Variants in MDN1 observed in about 807,000 individuals in gnomAD.
The protein encoded by MDN1 is midasin.
Under a neutral mutation model 669.2 loss-of-function variants are expected in MDN1, and 266 were observed. The observed-to-expected ratio is 0.40, with a 90% CI of 0.36 to 0.44. The LOEUF is 0.44. Ranked by LOEUF, MDN1 falls within the 20% of genes least tolerant of loss-of-function variation. MDN1 has a pLI of 1.00. For missense variants in MDN1, 5,940 were observed against 6,754.0 expected (o/e 0.88, Z 4.22); for synonymous variants, 2,385 against 2,457.1 (o/e 0.97, Z 0.87).
chr6:89,701,070 T>C (rs1813124536), intron 55 of MDN1, among the ~76,000 whole-genome samples: 1 of 152,252 alleles, frequency 6.6e-6, no homozygotes, highest in Non-Finnish European at 1.5e-5. Context: ...AGTAAGATGA[T>C]AATATGTAGC....
At chr6:89,816,956 G>A (rs980826402) in intron 1 of MDN1, among the ~76,000 whole-genome samples, 3 of 151,044 alleles carry the variant, frequency 2.0e-5, no homozygotes, top group Admixed American at 6.6e-5. Flanking sequence ...TTACAGGCGC[G>A]TGCCACTGTG....
intron 12 of MDN1, among the ~76,000 whole-genome samples, chr6:89,775,825 A>G (rs920961190): frequency 6.6e-5 from 10 of 152,080 alleles, no homozygotes; most frequent in African/African-American, 2.4e-4. Flanking sequence ...AGCTGGGATT[A>G]CAGGCATGTG....
chr6:89,758,733 C>T, intron 18 of MDN1, 83 bp downstream of exon 18: 1 of 1,468,730 alleles, frequency 6.8e-7, no homozygotes. Flanking sequence ...TGTCATCCTT[C>T]TAACAACAAC....
chr6:89,727,781 T>C, intron 37 of MDN1, 52 bp downstream of exon 37: 4 of 1,613,026 alleles, frequency 2.5e-6, no homozygotes, highest in South Asian at 1.1e-5. Flanking sequence ...AAAGGATGAC[T>C]GCTCCTCACA....
intron 27 of MDN1, among the ~76,000 whole-genome samples, chr6:89,746,684 T>C (rs1377813038): frequency 1.3e-5 from 2 of 149,246 alleles, no homozygotes; most frequent in African/African-American, 5.0e-5. Context: ...TCTATGTAAA[T>C]ATTCTTTACA....
At chr6:89,732,513 C>T in intron 34 of MDN1, 44 bp downstream of exon 34, 1 of 1,568,520 alleles carries the variant, frequency 6.4e-7, no homozygotes, top group Middle Eastern at 1.7e-4. Flanking sequence ...TCCTATGCCC[C>T]TCTATACGAG....
chr6:89,755,477 A>G (rs1362267581), intron 20 of MDN1, among the ~76,000 whole-genome samples: 1 of 151,986 alleles, frequency 6.6e-6, no homozygotes, highest in East Asian at 1.9e-4. Flanking sequence ...AAATTACAGT[A>G]CCTGACTCCT....
At chr6:89,713,981 G>C (rs1415606456) in intron 46 of MDN1, among the ~76,000 whole-genome samples, 1 of 151,412 alleles carries the variant, frequency 6.6e-6, no homozygotes, top group Non-Finnish European at 1.5e-5. Context: ...GGAGCTTGCA[G>C]TGAGCCAAGA....
chr6:89,712,813 G>A, intron 47 of MDN1, 27 bp from the exon 48 acceptor site: 2 of 1,596,596 alleles, frequency 1.3e-6, no homozygotes, highest in Non-Finnish European at 1.7e-6. Context: ...ACACAATACA[G>A]TGGTACCAAC....
chr6:89,734,690 C>G (rs76651040), intron 33 of MDN1, among the ~76,000 whole-genome samples: 2,668 of 112,774 alleles, frequency 0.024, 241 homozygotes, highest in African/African-American at 0.064. Flanking sequence ...AAAAAAAAAA[C>G]AAGAGAGAGA....
At chr6:89,792,636 T>C (rs1819339691) in intron 5 of MDN1, among the ~76,000 whole-genome samples, 1 of 151,990 alleles carries the variant, frequency 6.6e-6, no homozygotes, top group Non-Finnish European at 1.5e-5. Context: ...ACTACACTTA[T>C]GACAATGTGC....
intron 63 of MDN1, among the ~76,000 whole-genome samples, chr6:89,691,217 G>A (rs1317854875): frequency 6.6e-6 from 1 of 152,170 alleles, no homozygotes; most frequent in Non-Finnish European, 1.5e-5. Context: ...CTGGCCAAGG[G>A]GTTCAGAAAA....
In MDN1 at chr6:89,650,110, G is replaced by A. The variant is rs1262932324; in HGVS notation, c.16120C>T (p.Arg5374Ter). The change falls in exon 97 of 102, where the codon CGA becomes TGA. Residue 5374 changes from arginine to a stop codon, truncating the protein, a stop_gained. Coordinates refer to ENST00000369393, the MANE Select transcript of MDN1 (RefSeq NM_014611.3). LOFTEE classifies it high-confidence loss of function. The stretch of plus-strand genomic sequence containing the variant: ...TGGCGTTTACTGGGCTTGGTCCTTC[G>A]AAGCCAAATCTTGTCTTTCCGAAAT... ...SQFRKDKIWL[R>*]RTKPSKRQYQ... 3 of 1,613,954 alleles carry A rather than the reference G, an allele frequency of 1.9e-6. No homozygotes were observed. The highest frequency in any genetic ancestry group is 2.7e-5 in the African/African-American group (2 of 74,924).
intron 45 of MDN1, 127 bp from the exon 46 acceptor site, chr6:89,714,878 CT>C: frequency 1.3e-6 from 1 of 749,544 alleles, no homozygotes; most frequent in Non-Finnish European, 2.1e-6. Flanking sequence ...CACCAAGGAT[CT>C]TTTACTTCTA....
At chr6:89,731,728 T>G (rs951570884) in intron 34 of MDN1, among the ~76,000 whole-genome samples, 1 of 152,108 alleles carries the variant, frequency 6.6e-6, no homozygotes, top group African/African-American at 2.4e-5. Context: ...TATACTTATG[T>G]AACAAACCCG....
intron 49 of MDN1, 120 bp downstream of exon 49, chr6:89,711,915 AG>A: frequency 1.1e-6 from 1 of 888,026 alleles, no homozygotes; most frequent in African/African-American, 1.7e-5. Context: ...ATTTCTTCCT[AG>A]GAGACCTCCC....
At chr6:89,784,258 G>A (rs900256397) in intron 9 of MDN1, among the ~76,000 whole-genome samples, 1 of 152,142 alleles carries the variant, frequency 6.6e-6, no homozygotes, top group Non-Finnish European at 1.5e-5. Context: ...AGAGATTGCA[G>A]TGAGCCAAGA....
At chr6:89,708,079 A>C (rs1358503471) in intron 51 of MDN1, among the ~76,000 whole-genome samples, 1 of 152,152 alleles carries the variant, frequency 6.6e-6, no homozygotes, top group Non-Finnish European at 1.5e-5. Context: ...AGGCAGGTGG[A>C]TCACTTGAGC....
intron 97 of MDN1, among the ~76,000 whole-genome samples, chr6:89,649,300 T>C (rs1808695535): frequency 6.6e-6 from 1 of 152,246 alleles, no homozygotes; most frequent in Non-Finnish European, 1.5e-5. Context: ...TAAATATATA[T>C]ATTCCTCACT....
Sources: allele counts gnomAD v4.1 joint callset (sites outside exome capture counted in the v4.1 genomes callset), GRCh38; gene constraint gnomAD v4.1.1; transcripts MANE v1.5; gene names NCBI Gene and HGNC (gene_info 2026-07-23, HGNC 2026-07-21).